CTTN: variants seen among roughly 807,000 people sequenced by gnomAD.
CTTN encodes cortactin.
Under a neutral mutation model 84.0 loss-of-function variants are expected in CTTN, and 28 were observed. That is an observed-to-expected ratio of 0.33 (90% CI 0.25 to 0.46). The LOEUF (loss-of-function observed/expected upper bound fraction) is 0.46. CTTN is among the 20% of genes least tolerant of loss of function. CTTN has a pLI of 1.00. For synonymous variants in CTTN, 301 were observed against 288.8 expected (o/e 1.04, Z -0.43); for missense variants, 641 against 723.8 (o/e 0.89, Z 1.31).
chr11:70,426,432 A>C (rs890188196), intron 13 of CTTN, among the ~76,000 whole-genome samples: 2 of 148,896 alleles, frequency 1.3e-5, no homozygotes, highest in Admixed American at 6.7e-5. Context: ...AAAAAGAGAG[A>C]GAGGAATGGT....
chr11:70,423,116 T>G, intron 12 of CTTN, 121 bp downstream of exon 12: 1 of 1,159,950 alleles, frequency 8.6e-7, no homozygotes, highest in Non-Finnish European at 1.2e-6. Flanking sequence ...TCCGTCGTGG[T>G]GGTGGTGGTG....
intron 16 of CTTN, 32 bp from the exon 17 acceptor site, chr11:70,433,615 T>C: frequency 6.7e-7 from 1 of 1,500,556 alleles, no homozygotes; most frequent in Middle Eastern, 1.7e-4. Flanking sequence ...TGGGACTTTG[T>C]ATTGTTCAGC....
chr11:70,403,263 A>G (rs1440595210), intron 1 of CTTN, among the ~76,000 whole-genome samples: 5 of 131,552 alleles, frequency 3.8e-5, no homozygotes, highest in Non-Finnish European at 7.7e-5. Flanking sequence ...ATCTCGGCTC[A>G]CTACAGCCTC....
chr11:70,407,469 C>G (rs1439824871), intron 3 of CTTN, 49 bp from the exon 4 acceptor site: 5 of 1,611,668 alleles, frequency 3.1e-6, no homozygotes, highest in Non-Finnish European at 4.2e-6. Context: ...GGTGGTTTGT[C>G]TGTGTCACAA....
chr11:70,425,182 C>A, intron 12 of CTTN, 150 bp from the exon 13 acceptor site: 1 of 587,534 alleles, frequency 1.7e-6, no homozygotes, highest in Non-Finnish European at 3.0e-6. Flanking sequence ...AGTTAGTTTG[C>A]AAAACCGAGA....
intron 9 of CTTN, 186 bp downstream of exon 9, chr11:70,420,042 AGT>A: frequency 1.6e-6 from 1 of 617,070 alleles, no homozygotes; most frequent in South Asian, 2.0e-5. Context: ...TCGCAGCTTG[AGT>A]GTTATGGCGC....
intron 11 of CTTN, 28 bp downstream of exon 11, chr11:70,421,608 C>G (rs763805287): frequency 2.0e-6 from 3 of 1,510,494 alleles, no homozygotes; most frequent in African/African-American, 2.7e-5. Context: ...CTCCTACCCT[C>G]CCCCCGACCC....
intron 6 of CTTN, among the ~76,000 whole-genome samples, chr11:70,414,996 G>C (rs2058141266): frequency 6.6e-6 from 1 of 152,170 alleles, no homozygotes; most frequent in South Asian, 2.1e-4. Flanking sequence ...GCCTATACCG[G>C]GGGGGCAGGA....
At chr11:70,432,361 A>T (rs1470836272) in intron 15 of CTTN, among the ~76,000 whole-genome samples, 1 of 151,948 alleles carries the variant, frequency 6.6e-6, no homozygotes, top group Non-Finnish European at 1.5e-5. Context: ...TCCCTGCCCG[A>T]TTACTCTCCC....
intron 17 of CTTN, among the ~76,000 whole-genome samples, chr11:70,434,642 G>A (rs559574400): frequency 3.3e-5 from 5 of 152,346 alleles, no homozygotes; most frequent in South Asian, 2.1e-4. Flanking sequence ...GCTTCTCTCC[G>A]GGTGTCCCCT....
chr11:70,413,512 C>G (rs2058119154), intron 5 of CTTN, among the ~76,000 whole-genome samples: 1 of 152,188 alleles, frequency 6.6e-6, no homozygotes, highest in African/African-American at 2.4e-5. Flanking sequence ...ACACAAGCAG[C>G]TGTGGACAGC....
intron 1 of CTTN, among the ~76,000 whole-genome samples, chr11:70,404,651 G>A (rs73516258): frequency 0.01 from 1,523 of 152,264 alleles, 27 homozygotes; most frequent in African/African-American, 0.035. Context: ...TAAGAATTAT[G>A]GCAAACAGTA....
chr11:70,402,289 ATCT>A (rs1416770872), intron 1 of CTTN, among the ~76,000 whole-genome samples: 5 of 152,262 alleles, frequency 3.3e-5, no homozygotes, highest in Non-Finnish European at 5.9e-5. Flanking sequence ...CAGAGTCATT[ATCT>A]TCTTTTGAAC....
At chr11:70,422,906 C>A (rs780631662) in intron 11 of CTTN, 34 bp from the exon 12 acceptor site, 4 of 1,614,070 alleles carry the variant, frequency 2.5e-6, no homozygotes, top group Non-Finnish European at 3.4e-6. Context: ...TCGCCTCCAC[C>A]TCAGAGTAAG....
chr11:70,431,329 C>T (rs752716361), intron 15 of CTTN, 49 bp downstream of exon 15: 3 of 1,579,572 alleles, frequency 1.9e-6, no homozygotes, highest in South Asian at 1.1e-5. Context: ...ACTGCCAGAG[C>T]CCAGGTCCTG....
intron 6 of CTTN, 44 bp downstream of exon 6, chr11:70,414,696 G>A (rs772414288): frequency 1.4e-6 from 2 of 1,455,648 alleles, no homozygotes; most frequent in Non-Finnish European, 9.6e-7. Flanking sequence ...GGGGCAAGGG[G>A]GGCGTTCCCC....
chr11:70,427,624 G>A (rs764986874), intron 13 of CTTN, among the ~76,000 whole-genome samples: 1 of 152,390 alleles, frequency 6.6e-6, no homozygotes, highest in South Asian at 2.1e-4. Context: ...GTGCCAGGCA[G>A]TGGTGGTCCT....
chr11:70,407,538 G>A lies in CTTN; in HGVS notation c.108G>A (p.Glu36=), dbSNP rs776435275. 6.2e-7 allele frequency: 1 copy of A among 1,613,958 alleles called. No individual in the cohort carries two copies. The highest frequency in any genetic ancestry group is 1.3e-5 in the African/African-American group (1 of 74,904). The part of the protein sequence containing the change: ...PDFVNDVSEK[E]QRWGAKTVQG... ...TTCAGAATGATGTGAGTGAGAAGGA[G>A]CAAAGATGGGGTGCCAAGACGGTGC... Residue 36 remains glutamate, a synonymous_variant, in exon 4 of 18, where the codon GAG becomes GAA. Transcript: ENST00000301843.
In CTTN at chr11:70,435,343, AT is replaced by A. The variant is rs1394538180; in HGVS notation, c.*182del. On this transcript the variant is annotated 3_prime_UTR_variant, in exon 18 of 18. Coordinates refer to ENST00000301843, the MANE Select transcript of CTTN (RefSeq NM_005231.4). ...AATACTTTTGCTGATGCTTTTGAAA[AT>A]GTTTATGCCACAGAATTTGCTAATA... 3 of 1,460,882 alleles carry A rather than the reference AT, an allele frequency of 2.1e-6. No individual in the cohort carries two copies. The highest frequency in any genetic ancestry group is 2.7e-6 in the Non-Finnish European group (3 of 1,115,496). The allele number at this position is 1,460,882 out of a possible 1,614,324, so 90.5% of individuals were successfully genotyped here. A position where few individuals can be genotyped will look rare whatever the true frequency, so the allele number is the denominator to read the frequency against.
Sources: gnomAD v4.1 joint callset for allele counts (sites outside exome capture counted in the v4.1 genomes callset) on GRCh38, gnomAD v4.1.1 for gene constraint, MANE v1.5 for transcripts, NCBI Gene and HGNC (gene_info 2026-07-23, HGNC 2026-07-21) for gene names.